HNRNPL: variants seen among roughly 807,000 people sequenced by gnomAD.
The protein encoded by HNRNPL is epididymis secretory sperm binding protein.
In HNRNPL, 12 loss-of-function variants were observed where a neutral mutation model predicts 64.0. The observed-to-expected ratio is 0.19, with a 90% CI of 0.12 to 0.30. The LOEUF (loss-of-function observed/expected upper bound fraction) is 0.30. Among genes scored for constraint, HNRNPL ranks in the 10% least tolerant of loss-of-function variants. The pLI is 1.00. For missense variants in HNRNPL, 484 were observed against 797.4 expected, an observed-to-expected ratio of 0.61 and a Z score of 4.73; for synonymous variants, 385 against 313.0, an observed-to-expected ratio of 1.23 and a Z score of -2.43.
intron 8 of HNRNPL, 112 bp downstream of exon 8, chr19:38,839,984 A>G: frequency 2.1e-6 from 2 of 972,724 alleles, no homozygotes; most frequent in Non-Finnish European, 3.2e-6. Context: ...TGAGTCACTC[A>G]TTGGCGTCTG....
At chr19:38,849,580 T>C in intron 1 of HNRNPL, 120 bp downstream of exon 1, 2 of 1,232,346 alleles carry the variant, frequency 1.6e-6, no homozygotes, top group Non-Finnish European at 2.0e-6. Flanking sequence ...CCCCACACCG[T>C]CAACGACGCG....
In HNRNPL at chr19:38,837,525, A is replaced by G. The variant is rs372856102; in HGVS notation, c.1616-46T>C. 4.4e-4 allele frequency: 706 copies of G among 1,611,830 alleles called. 1 individual carries two copies. The highest frequency in any genetic ancestry group is 5.9e-4 in the Non-Finnish European group (698 of 1,177,954). On this transcript the variant is annotated intron_variant, in intron 11 of 12. Transcript: ENST00000221419. ...AAAGTAAAGGTTTTAGACTCACCCA[A>G]TAGGAACTAGGCAGCTGCCCACCAA...
At chr19:38,851,749 G>A (rs1345146299), upstream of HNRNPL, among the ~76,000 whole-genome samples, 1 of 152,210 alleles carries the variant, frequency 6.6e-6, no homozygotes, top group African/African-American at 2.4e-5. Context: ...GGGCGACGGA[G>A]CGAGACCCTA....
chr19:38,847,512 A>G, intron 1 of HNRNPL, 78 bp from the exon 2 acceptor site: 1 of 760,914 alleles, frequency 1.3e-6, no homozygotes, highest in Non-Finnish European at 2.0e-6. Flanking sequence ...ACTGTTGTAG[A>G]CCCAGTCAGA....
chr19:38,843,857 T>C lies in HNRNPL; in HGVS notation c.865A>G (p.Asn289Asp). Residue 289 changes from asparagine to aspartate, a missense_variant, in exon 6 of 13, where the codon AAT becomes GAT. Physicochemically the swap from Asn to Asp is conservative, Grantham distance 23. Transcript: ENST00000221419. Reference protein sequence around the residue: ...DQDTWDYTNPNLSGQGDPGSN... With the variant: ...DQDTWDYTNPDLSGQGDPGSN... The stretch of plus-strand genomic sequence containing the variant: ...TCAAGATTACCTTGTCCACTGAGAT[T>C]GGGGTTTGTGTAGTCCCAAGTATCC... 1.2e-6 allele frequency: 2 copies of C among 1,613,948 alleles called. No individual in the cohort carries two copies. Among genetic ancestry groups the C allele is most frequent in the Non-Finnish European group, 1.7e-6 (2 of 1,179,812 alleles).
rs369412842 is a variant in HNRNPL at position 38,845,617 on chromosome 19, C to T, written c.710+33G>A. ...TGTCAAGCCCTGCAAGAGTCCCTACCCTAAGGAACACCTGTTTTCCAGCAA... is the reference window on the plus strand; with the variant it reads ...TGTCAAGCCCTGCAAGAGTCCCTACTCTAAGGAACACCTGTTTTCCAGCAA... On this transcript the variant is annotated intron_variant, in intron 4 of 12. Coordinates refer to ENST00000221419, the MANE Select transcript of HNRNPL (RefSeq NM_001533.3). The T allele has an allele frequency of 1.3e-4, 210 of 1,556,180 alleles. No individual in the cohort carries two copies. The African/African-American group carries it at 2.0e-3, about 15-fold the overall frequency.
chr19:38,850,447 TTC>T (rs1245189159), upstream of HNRNPL: 1 of 156,128 alleles, frequency 6.4e-6, no homozygotes, highest in African/African-American at 2.4e-5. Context: ...CAGATGCCCA[TTC>T]TTCTGCGTCT....
intron 6 of HNRNPL, chr19:38,841,269 G>A (rs1190677321): frequency 6.5e-5 from 21 of 323,656 alleles, no homozygotes; most frequent in Admixed American, 2.3e-4. Flanking sequence ...TGGGCTAAGC[G>A]CTTTACAGAC....
intron 6 of HNRNPL, 114 bp from the exon 7 acceptor site, chr19:38,840,673 TTCC>T (rs1972087319): frequency 1.2e-6 from 1 of 820,598 alleles, no homozygotes; most frequent in African/African-American, 1.7e-5. Flanking sequence ...AAGCCCTCCC[TTCC>T]TCGAGGGCTG....
chr19:38,843,982 G>C, intron 5 of HNRNPL, 26 bp downstream of exon 5: 1 of 1,606,950 alleles, frequency 6.2e-7, no homozygotes, highest in African/African-American at 1.3e-5. Flanking sequence ...GCTGACAAGG[G>C]GCAGTCAGTC....
Position 38,838,989 on chromosome 19 carries a change from C to A in HNRNPL, c.1260G>T (p.Gly420=), listed in dbSNP as rs760460749. The A allele has an allele frequency of 3.7e-6, 6 of 1,614,168 alleles. No homozygotes were observed. In the South Asian group the frequency reaches 5.5e-5, roughly 15 times the overall value. ...CATCAGCCATCTCCACCATGGCGGC[C>A]CCCGGCTTGCTTTTCATGAATTTCA... is the stretch of plus-strand genomic sequence containing the variant. ...EKVKFMKSKP[G]AAMVEMADGY... is the part of the protein sequence containing the mutation. The change falls in exon 9 of 13, where the codon GGG becomes GGT. Residue 420 remains glycine, a synonymous_variant. Transcript: ENST00000221419.
intron 3 of HNRNPL, 51 bp from the exon 4 acceptor site, chr19:38,845,786 G>A (rs1253184450): frequency 1.9e-6 from 3 of 1,597,810 alleles, no homozygotes; most frequent in Admixed American, 1.7e-5. Flanking sequence ...GATCAGTCTG[G>A]CTTGGGGGAG....
chr19:38,841,488 C>T (rs1309576502), intron 6 of HNRNPL: 2 of 453,904 alleles, frequency 4.4e-6, no homozygotes, highest in Non-Finnish European at 8.6e-6. Context: ...AAACCACTGC[C>T]CTTTCCTGCC....
At position 38,840,228 on chromosome 19, in the gene HNRNPL, T is replaced by TGG; in HGVS notation, c.1099_1100dup (p.Pro368HisfsTer28). The TGG allele has an allele frequency of 9.3e-6, 1 of 107,760 alleles. No homozygotes were observed. 6.7% of individuals were successfully genotyped at this position (107,760 alleles called of 1,614,324 possible). On this transcript the variant is annotated frameshift_variant, in exon 8 of 13. Coordinates refer to ENST00000221419, the MANE Select transcript of HNRNPL (RefSeq NM_001533.3). LOFTEE classifies it high-confidence loss of function. ...CATACTCGGGTGGTGGGGGAGGGGG[T>TGG]GGGGGGTGCCCATACTGGGGGCCGT...
Position 38,836,527 on chromosome 19 carries a change from C to T in HNRNPL, c.*195G>A. On this transcript the variant is annotated 3_prime_UTR_variant, in exon 13 of 13. Transcript: ENST00000221419. ...AGGTTAATCTTGGGAGATAACAGTT[C>T]CCCTCTCCCTCCCCCTGCAGATTTC... 5 of 438,884 alleles carry T rather than the reference C, an allele frequency of 1.1e-5. No individual in the cohort carries two copies. The South Asian group carries it at 1.4e-4, about 12-fold the overall frequency. The allele number at this position is 438,884 out of a possible 1,614,324, so 27.2% of individuals were successfully genotyped here.
chr19:38,843,901 T>C lies in HNRNPL; in HGVS notation c.821A>G (p.Asn274Ser). ...KIEYAKPTRL[N>S]VFKNDQDTWD... ...AGTATCCTGATCATTCTTGAACACA[T>C]TCAAGCGTGTAGGCTGCAAGGACAG... Residue 274 changes from asparagine to serine, a missense_variant, in exon 6 of 13, where the codon AAT becomes AGT. Physicochemically the swap from Asn to Ser is conservative, Grantham distance 46. Around this residue, in one of 9 missense-constraint regions of HNRNPL, gnomAD observed 60 missense variants for 192.2 expected, o/e 0.31. Transcript: ENST00000221419. 6.2e-7 allele frequency: 1 copy of C among 1,614,152 alleles called. No homozygotes were observed. Among genetic ancestry groups the C allele is most frequent in the Non-Finnish European group, 8.5e-7 (1 of 1,179,984 alleles).
intron 8 of HNRNPL, 141 bp from the exon 9 acceptor site, chr19:38,839,156 T>G (rs1289936439): frequency 1.9e-6 from 2 of 1,034,810 alleles, no homozygotes; most frequent in Non-Finnish European, 2.8e-6. Flanking sequence ...AAAACATGCC[T>G]GGCCCACACC....
chr19:38,851,397 G>T (rs1341965949), upstream of HNRNPL, among the ~76,000 whole-genome samples: 1 of 152,212 alleles, frequency 6.6e-6, no homozygotes, highest in African/African-American at 2.4e-5. Context: ...CCGTCCTACG[G>T]CATTTAACAT....
chr19:38,838,175 C>T (rs1159088088), intron 10 of HNRNPL, among the ~76,000 whole-genome samples: 2 of 152,204 alleles, frequency 1.3e-5, no homozygotes, highest in East Asian at 1.9e-4. Flanking sequence ...AAGGAAGGAA[C>T]GCGGCAAATG....
Sources: allele counts gnomAD v4.1 joint callset (sites outside exome capture counted in the v4.1 genomes callset), GRCh38; gene constraint gnomAD v4.1.1; regional missense constraint gnomAD v4.1.1; transcripts MANE v1.5; gene names NCBI Gene and HGNC (gene_info 2026-07-23, HGNC 2026-07-21).